TASP1: variants seen among roughly 807,000 people sequenced by gnomAD.
The protein encoded by TASP1 is threonine aspartase 1.
In TASP1, 16 loss-of-function variants were observed where a neutral mutation model predicts 56.6. The observed-to-expected ratio is 0.28, with a 90% CI of 0.19 to 0.43. The LOEUF is 0.43. TASP1 is among the 20% of genes least tolerant of loss of function. The pLI is 1.00. For synonymous variants in TASP1, 179 were observed against 184.2 expected (o/e 0.97, Z 0.23); for missense variants, 393 against 511.6 (o/e 0.77, Z 2.24).
chr20:13,321,869 G>A, the TASP1 span, among the ~76,000 whole-genome samples: 1 of 152,206 alleles, frequency 6.6e-6, no homozygotes, highest in Non-Finnish European at 1.5e-5. Context: ...GACTGCTCAG[G>A]TTTGACTCCC....
the TASP1 span, among the ~76,000 whole-genome samples, chr20:13,277,975 T>C: frequency 1.3e-5 from 2 of 152,176 alleles, no homozygotes; most frequent in Non-Finnish European, 2.9e-5. Context: ...GTCTCAGGGA[T>C]GGGCACGCCC....
At chr20:13,279,579 G>A in the TASP1 span, 1 of 1,546,866 alleles carries the variant, frequency 6.5e-7, no homozygotes, top group Non-Finnish European at 8.8e-7. Context: ...CAAGGGTCAT[G>A]TAGCTTGGAG....
the TASP1 span, among the ~76,000 whole-genome samples, chr20:13,223,109 A>G: frequency 6.6e-6 from 1 of 151,890 alleles, no homozygotes; most frequent in Non-Finnish European, 1.5e-5. Flanking sequence ...GTGAGCTGAG[A>G]TCGCGCCACT....
chr20:13,595,185 T>C (rs1233648587), intron 4 of TASP1, among the ~76,000 whole-genome samples: 3 of 152,164 alleles, frequency 2.0e-5, no homozygotes, highest in Non-Finnish European at 2.9e-5. Context: ...CTGAGAGATT[T>C]TGTCACCACC....
the TASP1 span, among the ~76,000 whole-genome samples, chr20:13,208,258 A>G: frequency 0.28 from 43,006 of 152,114 alleles, 6,481 homozygotes; most frequent in African/African-American, 0.36. Context: ...ATCTGGTGAT[A>G]ACTTAATGAT....
intron 11 of TASP1, among the ~76,000 whole-genome samples, chr20:13,458,914 A>G (rs1470942099): frequency 6.6e-6 from 1 of 152,184 alleles, no homozygotes; most frequent in Non-Finnish European, 1.5e-5. Flanking sequence ...ATAAGGTTTA[A>G]AATTTTGGCA....
the TASP1 span, among the ~76,000 whole-genome samples, chr20:13,275,032 A>C: frequency 0.27 from 41,638 of 152,126 alleles, 5,785 homozygotes; most frequent in East Asian, 0.42. Context: ...TGCAGCTGAT[A>C]GTCAGATATC....
the TASP1 span, among the ~76,000 whole-genome samples, chr20:13,155,651 C>T: frequency 1.3e-5 from 2 of 151,934 alleles, no homozygotes; most frequent in Non-Finnish European, 2.9e-5. Context: ...ATGGTGAAAC[C>T]CCGTGTCTAC....
At chr20:13,335,689 A>G in the TASP1 span, among the ~76,000 whole-genome samples, 8 of 151,242 alleles carry the variant, frequency 5.3e-5, no homozygotes, top group Admixed American at 2.0e-4. Context: ...AACACAGAGG[A>G]AAAAAAAAGA....
chr20:13,365,312 G>A, the TASP1 span, among the ~76,000 whole-genome samples: 1 of 152,208 alleles, frequency 6.6e-6, no homozygotes, highest in African/African-American at 2.4e-5. Context: ...AGCAATGAAT[G>A]AGACAGGTTT....
At chr20:13,482,224 T>C (rs563234543) in intron 11 of TASP1, among the ~76,000 whole-genome samples, 2 of 152,284 alleles carry the variant, frequency 1.3e-5, no homozygotes, top group South Asian at 2.1e-4. Context: ...GAGTTCATTG[T>C]AGGTGTGTGG....
the TASP1 span, chr20:13,117,486 CA>C: frequency 6.4e-7 from 1 of 1,555,672 alleles, no homozygotes; most frequent in African/African-American, 1.4e-5. Context: ...TAGTTATGAG[CA>C]TTTCTCCTTC....
intron 1 of TASP1, among the ~76,000 whole-genome samples, chr20:13,632,059 A>C (rs1011233941): frequency 2.0e-5 from 3 of 150,412 alleles, no homozygotes; most frequent in African/African-American, 7.4e-5. Flanking sequence ...CTCAAAAAAA[A>C]AAGTACAGAT....
intron 6 of TASP1, among the ~76,000 whole-genome samples, chr20:13,580,415 C>T (rs2047078842): frequency 6.6e-6 from 1 of 152,058 alleles, no homozygotes; most frequent in South Asian, 2.1e-4. Context: ...CCACTGCACT[C>T]CAGCCTGGGT....
chr20:13,127,841 C>A, the TASP1 span, among the ~76,000 whole-genome samples: 2 of 152,258 alleles, frequency 1.3e-5, no homozygotes, highest in East Asian at 3.9e-4. Flanking sequence ...TCCAGGCTTG[C>A]CTTTTCGGTG....
intron 12 of TASP1, among the ~76,000 whole-genome samples, chr20:13,427,131 G>A (rs2042642692): frequency 6.6e-6 from 1 of 152,180 alleles, no homozygotes; most frequent in South Asian, 2.1e-4. Context: ...GGTGCCCTGA[G>A]AATGAAGCTC....
the TASP1 span, among the ~76,000 whole-genome samples, chr20:13,255,946 G>A: frequency 6.6e-6 from 1 of 151,488 alleles, no homozygotes; most frequent in Non-Finnish European, 1.5e-5. Context: ...TGGTGTGACT[G>A]CAGTTATAAA....
At chr20:13,626,856 C>T (rs1008820875) in intron 2 of TASP1, among the ~76,000 whole-genome samples, 2 of 152,024 alleles carry the variant, frequency 1.3e-5, no homozygotes, top group Non-Finnish European at 2.9e-5. Flanking sequence ...CATTTAATAG[C>T]CTTAACATGT....
At chr20:13,129,245 G>T in the TASP1 span, among the ~76,000 whole-genome samples, 68 of 152,172 alleles carry the variant, frequency 4.5e-4, no homozygotes, top group African/African-American at 1.6e-3. Flanking sequence ...CAAGTGATTT[G>T]CCCACCCCAG....
Sources: gnomAD v4.1 joint callset for allele counts (sites outside exome capture counted in the v4.1 genomes callset) on GRCh38, gnomAD v4.1.1 for gene constraint, MANE v1.5 for transcripts, NCBI Gene and HGNC (gene_info 2026-07-23, HGNC 2026-07-21) for gene names.